The following BCAS3 variants were observed in gnomAD, a reference collection of about 807,000 sequenced individuals.
The protein encoded by BCAS3 is BCAS3 microtubule associated cell migration factor.
In BCAS3, 53 loss-of-function variants were observed where a neutral mutation model predicts 116.1. That is an observed-to-expected ratio of 0.46 (90% CI 0.37 to 0.57). The LOEUF (loss-of-function observed/expected upper bound fraction) is 0.57, where lower values mean the gene tolerates loss of function less well. Among genes scored for constraint, BCAS3 ranks in the 20% least tolerant of loss-of-function variants. The probability of loss-of-function intolerance (pLI) is 0.00; values close to 1 mark genes in which losing one functional copy is unlikely to be tolerated. For synonymous variants in BCAS3, 391 were observed against 408.2 expected (o/e 0.96, Z 0.51); for missense variants, 917 against 1,165.4 (o/e 0.79, Z 3.10).
rs115709230 is a variant in BCAS3, at chr17:61,332,056, G to A, written c.2426-36271G>A. 6.6e-6 allele frequency among the ~76,000 whole-genome samples: 1 copy of A among 152,228 alleles called. No homozygotes were observed. Among genetic ancestry groups the A allele is most frequent in the African/African-American group, 2.4e-5 (1 of 41,538 alleles). ...CATATGCGTGTCTGGTTTGGCATGT[G>A]GGTCTCGACCTCCCATGAGCAGGGC... On this transcript the variant is annotated intron_variant, in intron 22 of 23. Coordinates refer to ENST00000407086, the MANE Select transcript of BCAS3 (RefSeq NM_017679.5). The surrounding 1 kb of genome is among the most constrained non-coding windows in gnomAD (Gnocchi z 5.4).
rs1333276834 is a variant in BCAS3, at chr17:61,391,865, G to A, written c.2594-112G>A. 7 of 1,186,056 alleles carry A rather than the reference G, an allele frequency of 5.9e-6. No homozygotes were observed. The Admixed American group carries it at 8.2e-5, about 14-fold the overall frequency. The allele number at this position is 1,186,056 out of a possible 1,614,324, so 73.5% of individuals were successfully genotyped here. A position where few individuals can be genotyped will look rare whatever the true frequency, so the allele number is the denominator to read the frequency against. On this transcript the variant is annotated intron_variant, in intron 23 of 23. Transcript: ENST00000407086. The surrounding 1 kb of genome is among the most constrained non-coding windows in gnomAD (Gnocchi z 7.7). ...AGCAGGCGGGGATCCCCCTGCGGAA[G>A]GACACAAGTGAACCCAGAATGGTGC...
chr17:60,764,875 C>T (rs1256831027), intron 6 of BCAS3, among the ~76,000 whole-genome samples: 1 of 152,094 alleles, frequency 6.6e-6, no homozygotes, highest in African/African-American at 2.4e-5. Flanking sequence ...TGAATCTGAG[C>T]ACTCCTGTAT....
chr17:60,703,001 G>A lies in BCAS3; in HGVS notation c.215-6218G>A, dbSNP rs183369986. ...CTCATATTGAAAATGCAGGCTGGGC[G>A]CGGTGGCTCATGGCTGTAATCCCAG... On this transcript the variant is annotated intron_variant, in intron 4 of 23. Transcript: ENST00000407086. Among the ~76,000 whole-genome samples the A allele has an allele frequency of 3.1e-3, 477 of 152,244 alleles. 5 individuals carry two copies. The highest frequency in any genetic ancestry group is 3.4e-3 in the Middle Eastern group (1 of 294).
At chr17:60,916,924 T>G (rs1320309847) in intron 12 of BCAS3, among the ~76,000 whole-genome samples, 1 of 152,204 alleles carries the variant, frequency 6.6e-6, no homozygotes, top group East Asian at 1.9e-4. Context: ...GATATACCTG[T>G]GGCTGATAAG....
At chr17:60,947,923 C>T (rs1438660691) in intron 14 of BCAS3, among the ~76,000 whole-genome samples, 1 of 152,022 alleles carries the variant, frequency 6.6e-6, no homozygotes, top group African/African-American at 2.4e-5. Context: ...GCAAACACTA[C>T]AAATCAGGGC....
intron 14 of BCAS3, among the ~76,000 whole-genome samples, chr17:60,951,981 AG>A (rs1368999582): frequency 3.9e-5 from 6 of 151,908 alleles, no homozygotes; most frequent in Non-Finnish European, 8.8e-5. Flanking sequence ...CATGTTGGCC[AG>A]GCTGGTCTTG....
At chr17:61,183,961 G>T (rs150602033) in intron 22 of BCAS3, among the ~76,000 whole-genome samples, 1 of 152,188 alleles carries the variant, frequency 6.6e-6, no homozygotes, top group Non-Finnish European at 1.5e-5. Flanking sequence ...TGCAAATGCA[G>T]AAGAATTTTT....
At position 61,368,752 on chromosome 17, in the gene BCAS3, C is replaced by G. The variant is rs150401391; in HGVS notation, c.2593+258C>G. On this transcript the variant is annotated intron_variant, in intron 23 of 23. Transcript: ENST00000407086. The surrounding 1 kb of genome is among the most constrained non-coding windows in gnomAD (Gnocchi z 6.0). ...ATCAACACCACTGTGCAAGTGGCTCCCAGAAGGACACTTTCCTCCTTTGGG... is the reference window on the plus strand; with the variant it reads ...ATCAACACCACTGTGCAAGTGGCTCGCAGAAGGACACTTTCCTCCTTTGGG... Among the ~76,000 whole-genome samples the G allele has an allele frequency of 1.1e-4, 17 of 152,290 alleles. No individual in the cohort carries two copies. Among genetic ancestry groups the G allele is most frequent in the South Asian group, 8.3e-4 (4 of 4,830 alleles).
At chr17:60,783,620 T>C (rs1451668699) in intron 6 of BCAS3, among the ~76,000 whole-genome samples, 1 of 152,190 alleles carries the variant, frequency 6.6e-6, no homozygotes, top group Non-Finnish European at 1.5e-5. Flanking sequence ...CTGATGAAAA[T>C]AAATTCTTTA....
intron 5 of BCAS3, among the ~76,000 whole-genome samples, chr17:60,710,523 C>T (rs1398031662): frequency 6.6e-6 from 1 of 151,594 alleles, no homozygotes; most frequent in Admixed American, 6.6e-5. Flanking sequence ...GCTCTGCCTC[C>T]CGGGTTAACG....
rs968778797 is a variant in BCAS3, at chr17:61,119,823, C to G, written c.2425+35259C>G. On this transcript the variant is annotated intron_variant, in intron 22 of 23. Coordinates refer to ENST00000407086, the MANE Select transcript of BCAS3 (RefSeq NM_017679.5). Reference sequence around the variant, plus strand: ...ACACTTGGTAAATATGTAAAACATTCATACTATTTCTATAAACAAGTGAAA... The same window carrying G: ...ACACTTGGTAAATATGTAAAACATTGATACTATTTCTATAAACAAGTGAAA... Among the ~76,000 whole-genome samples the G allele has an allele frequency of 2.6e-5, 4 of 151,978 alleles. No homozygotes were observed. In the East Asian group the frequency reaches 7.7e-4, roughly 29 times the overall value.
chr17:61,098,952 A>G lies in BCAS3; in HGVS notation c.2425+14388A>G, dbSNP rs1410706270. Reference sequence around the variant, plus strand: ...ATCCTGGCTAACACGGTGAAACCCCATCTCTACTAAAAATACGAAAAATTA... The same window carrying G: ...ATCCTGGCTAACACGGTGAAACCCCGTCTCTACTAAAAATACGAAAAATTA... On this transcript the variant is annotated intron_variant, in intron 22 of 23. Coordinates refer to ENST00000407086, the MANE Select transcript of BCAS3 (RefSeq NM_017679.5). This position sits in a 1 kb window ranked among gnomAD's most constrained non-coding sequence, Gnocchi z 4.2. Among the ~76,000 whole-genome samples the G allele has an allele frequency of 6.6e-6, 1 of 151,980 alleles. No individual in the cohort carries two copies. The highest frequency in any genetic ancestry group is 1.9e-4 in the East Asian group (1 of 5,154).
Position 61,356,717 on chromosome 17 carries a change from T to A in BCAS3, c.2426-11610T>A, listed in dbSNP as rs1468258332. ...ATTTTAAAATCAACTCCTTCCAGAG[T>A]TGTTCTTCTAGCCCTTTCTGATCTG... On this transcript the variant is annotated intron_variant, in intron 22 of 23. Transcript: ENST00000407086. This position sits in a 1 kb window ranked among gnomAD's most constrained non-coding sequence, Gnocchi z 5.4. The A allele has an allele frequency of 6.6e-6, 1 of 152,164 alleles. No individual in the cohort carries two copies. The highest frequency in any genetic ancestry group is 1.9e-4 in the East Asian group (1 of 5,198). The allele number at this position is 152,164 out of a possible 1,614,324, so 9.4% of individuals were successfully genotyped here.
intron 6 of BCAS3, among the ~76,000 whole-genome samples, chr17:60,771,706 C>G (rs537332018): frequency 6.6e-6 from 1 of 152,296 alleles, no homozygotes; most frequent in African/African-American, 2.4e-5. Context: ...CCCCTGTCCC[C>G]CTATCCCACG....
rs1375693318 is a variant in BCAS3, at chr17:61,136,135, A to C, written c.2425+51571A>C. Among the ~76,000 whole-genome samples, 3 of 152,192 alleles carry C rather than the reference A, an allele frequency of 2.0e-5. No individual in the cohort carries two copies. Among genetic ancestry groups the C allele is most frequent in the Non-Finnish European group, 4.4e-5 (3 of 68,032 alleles). On this transcript the variant is annotated intron_variant, in intron 22 of 23. Transcript: ENST00000407086. This position sits in a 1 kb window ranked among gnomAD's most constrained non-coding sequence, Gnocchi z 4.4. ...CAACTACTAGCACCTCTTAGACTCC[A>C]AAATGCTTTGCACCTATTTAAATGT...
At chr17:60,727,982 AT>A (rs1306359673) in intron 5 of BCAS3, among the ~76,000 whole-genome samples, 5 of 150,856 alleles carry the variant, frequency 3.3e-5, no homozygotes, top group African/African-American at 4.9e-5. Context: ...TAATTTTTCT[AT>A]TTTTTTGTAG....
chr17:60,810,880 G>GC (rs1161838318), intron 7 of BCAS3: 2 of 703,172 alleles, frequency 2.8e-6, no homozygotes, highest in East Asian at 2.8e-5. Flanking sequence ...GGAGGTAGAT[G>GC]CCCCCAAATC....
intron 6 of BCAS3, among the ~76,000 whole-genome samples, chr17:60,802,690 G>T (rs1487371664): frequency 6.6e-6 from 1 of 152,066 alleles, no homozygotes; most frequent in Non-Finnish European, 1.5e-5. Flanking sequence ...TGCCCAGGCC[G>T]GAGTGCAATG....
At chr17:60,876,697 C>T (rs776620089) in intron 9 of BCAS3, among the ~76,000 whole-genome samples, 4 of 152,032 alleles carry the variant, frequency 2.6e-5, no homozygotes, top group African/African-American at 4.8e-5. Flanking sequence ...ATTTGTTAAC[C>T]AACACCGTTT....
Sources: allele counts gnomAD v4.1 joint callset (sites outside exome capture counted in the v4.1 genomes callset), GRCh38; gene constraint gnomAD v4.1.1; non-coding constraint Gnocchi (gnomAD v3.1); transcripts MANE v1.5; gene names NCBI Gene and HGNC (gene_info 2026-07-23, HGNC 2026-07-21).